The following YIPF3 variants were observed in gnomAD, a reference collection of about 807,000 sequenced individuals.
YIPF3 encodes the protein Yip1 domain family member 3.
A neutral mutation model predicts 40.3 loss-of-function variants in YIPF3; 18 were observed. The ratio of observed to expected loss-of-function variants is 0.45; its 90% CI spans 0.31 to 0.66. The LOEUF (loss-of-function observed/expected upper bound fraction) is 0.66, where lower values mean the gene tolerates loss of function less well. Ranked by LOEUF, YIPF3 falls within the 30% of genes least tolerant of loss-of-function variation. YIPF3 has a pLI of 0.07. For missense variants in YIPF3, 406 were observed against 452.2 expected (o/e 0.90, Z 0.93); for synonymous variants, 190 against 179.6 (o/e 1.06, Z -0.46).
chr6:43,513,718 T>G, intron 3 of YIPF3, 85 bp from the exon 4 acceptor site: 3 of 1,364,488 alleles, frequency 2.2e-6, no homozygotes, highest in Non-Finnish European at 3.0e-6. Context: ...TATTCATCTC[T>G]AACTCCAGGG....
At chr6:43,512,370 T>C (rs1447228977) in intron 8 of YIPF3, 55 bp from the exon 9 acceptor site, 5 of 1,613,800 alleles carry the variant, frequency 3.1e-6, no homozygotes, top group Non-Finnish European at 4.2e-6. Context: ...CCACCAGCCA[T>C]CATATCTAGC....
At chr6:43,512,634 C>G in intron 7 of YIPF3, 71 bp from the exon 8 acceptor site, 1 of 1,547,212 alleles carries the variant, frequency 6.5e-7, no homozygotes, top group South Asian at 1.2e-5. Context: ...CACCCCCACC[C>G]AGGGCAGAAC....
chr6:43,512,956 G>C, intron 6 of YIPF3, 82 bp from the exon 7 acceptor site: 1 of 1,590,764 alleles, frequency 6.3e-7, no homozygotes, highest in South Asian at 1.1e-5. Context: ...GGAAACACAT[G>C]GTCCATTGGC....
chr6:43,516,003 G>C lies in YIPF3; in HGVS notation c.174C>G (p.Arg58=), dbSNP rs1402527840. The C allele has an allele frequency of 1.1e-5, 18 of 1,614,186 alleles. No homozygotes were observed. Among genetic ancestry groups the C allele is most frequent in the Non-Finnish European group, 1.4e-5 (17 of 1,180,036 alleles). ...EDMGELHQRL[R]EEEVDADAAD... ...CTGCATCAGCGTCTACTTCTTCCTCGCGCAGGCGCTGATGCAGCTCACCCA... is the reference window on the plus strand; with the variant it reads ...CTGCATCAGCGTCTACTTCTTCCTCCCGCAGGCGCTGATGCAGCTCACCCA... The change falls in exon 2 of 9, where the codon CGC becomes CGG. Residue 58 remains arginine, a synonymous_variant. Coordinates refer to ENST00000372422, the MANE Select transcript of YIPF3 (RefSeq NM_015388.4).
rs921494460 is a variant in YIPF3 at position 43,516,881 on chromosome 6, A to G, written c.-74T>C. On this transcript the variant is annotated 5_prime_UTR_variant, in exon 1 of 9. Coordinates refer to ENST00000372422, the MANE Select transcript of YIPF3 (RefSeq NM_015388.4). ...GAGTGGGCAAGATGTGGGCCTCCGG[A>G]AGGTAGACGTCCAGGGTCGAGGAGA... is the stretch of plus-strand genomic sequence containing the variant. The G allele has an allele frequency of 4.0e-6, 6 of 1,486,372 alleles. No individual in the cohort carries two copies. In the African/African-American group the frequency reaches 5.6e-5, roughly 14 times the overall value. The allele number at this position is 1,486,372 out of a possible 1,614,324, so 92.1% of individuals were successfully genotyped here.
Position 43,513,444 on chromosome 6 carries a change from G to A in YIPF3, c.449C>T (p.Ala150Val). The part of the protein sequence containing the change: ...IKMVNFPQKI[A>V]GELYGPLMLV... ...CATGAGAGGTCCATAGAGTTCACCT[G>A]CAATTTTCTGTCAATATACCAATTC... The change falls in exon 5 of 9, where the codon GCA becomes GTA. Residue 150 changes from alanine to valine, a missense_variant. Ala to Val is a moderately conservative substitution (Grantham distance 64). Transcript: ENST00000372422. 1.9e-6 allele frequency: 3 copies of A among 1,614,186 alleles called. No homozygotes were observed.
rs1472118614 is a variant in YIPF3, at chr6:43,512,423, ACCTTC to A, written c.904+12_904+16del. 3.7e-6 allele frequency: 6 copies of A among 1,614,036 alleles called. No individual in the cohort carries two copies. The highest frequency in any genetic ancestry group is 5.1e-6 in the Non-Finnish European group (6 of 1,179,988). On this transcript the variant is annotated intron_variant, in intron 8 of 8. Coordinates refer to ENST00000372422, the MANE Select transcript of YIPF3 (RefSeq NM_015388.4). ...TGCTTTCCCATTCTCCCCCACCCAGACCTTCCTGCCACTTACCCTCTACCACTTTG... is the reference window on the plus strand; with the variant it reads ...TGCTTTCCCATTCTCCCCCACCCAGACTGCCACTTACCCTCTACCACTTTG...
rs772897495 is a variant in YIPF3 at position 43,516,714 on chromosome 6, T to C, written c.81+13A>G. 1.2e-5 allele frequency: 20 copies of C among 1,612,342 alleles called. No homozygotes were observed. Among genetic ancestry groups the C allele is most frequent in the East Asian group, 4.5e-5 (2 of 44,890 alleles). On this transcript the variant is annotated intron_variant, in intron 1 of 8. Transcript: ENST00000372422. Reference sequence around the variant, plus strand: ...CCTCCGGCTGCTGGCAGCTGGTGCCTTGGGGCCATTACCTGGATGTTTTCT... The same window carrying C: ...CCTCCGGCTGCTGGCAGCTGGTGCCCTGGGGCCATTACCTGGATGTTTTCT...
intron 1 of YIPF3, chr6:43,516,464 C>T: frequency 1.6e-6 from 1 of 618,996 alleles, no homozygotes; most frequent in South Asian, 2.1e-5. Flanking sequence ...ATGCCTTACC[C>T]CGACCAACCT....
chr6:43,514,783 A>T (rs1319182742), intron 3 of YIPF3, among the ~76,000 whole-genome samples: 1 of 152,190 alleles, frequency 6.6e-6, no homozygotes, highest in Non-Finnish European at 1.5e-5. Flanking sequence ...TGAACAAAAA[A>T]ACCAAGCCAG....
chr6:43,511,940 T>G lies in YIPF3; in HGVS notation c.*227A>C, dbSNP rs556463235. On this transcript the variant is annotated 3_prime_UTR_variant, in exon 9 of 9. Transcript: ENST00000372422. Reference sequence around the variant, plus strand: ...GGTGGGGAGGGGTTCTCAAAGGAGCTGACCCATTTTCTGCATTGGCTGCAG... The same window carrying G: ...GGTGGGGAGGGGTTCTCAAAGGAGCGGACCCATTTTCTGCATTGGCTGCAG... The G allele has an allele frequency of 1.3e-5, 8 of 599,024 alleles. No homozygotes were observed. In the Admixed American group the frequency reaches 2.5e-4, roughly 18 times the overall value. The allele number at this position is 599,024 out of a possible 1,614,324, so 37.1% of individuals were successfully genotyped here.
chr6:43,513,720 A>G (rs1176976832), intron 3 of YIPF3, 87 bp from the exon 4 acceptor site: 1 of 1,349,466 alleles, frequency 7.4e-7, no homozygotes, highest in Non-Finnish European at 1.0e-6. Flanking sequence ...TTCATCTCTA[A>G]CTCCAGGGAA....
chr6:43,516,909 T>C lies in YIPF3; in HGVS notation c.-102A>G, dbSNP rs1792856995. On this transcript the variant is annotated 5_prime_UTR_variant, in exon 1 of 9. Coordinates refer to ENST00000372422, the MANE Select transcript of YIPF3 (RefSeq NM_015388.4). ...GTAGACGTCCAGGGTCGAGGAGAGG[T>C]GGGATCGGCCGGAACACAAAAAGGA... The C allele has an allele frequency of 1.5e-6, 2 of 1,359,750 alleles. No individual in the cohort carries two copies. The highest frequency in any genetic ancestry group is 1.5e-5 in the African/African-American group (1 of 68,574). The allele number at this position is 1,359,750 out of a possible 1,614,324, so 84.2% of individuals were successfully genotyped here. A position where few individuals can be genotyped will look rare whatever the true frequency, so the allele number is the denominator to read the frequency against.
rs1424230323 is a variant in YIPF3 at position 43,516,768 on chromosome 6, C to T, written c.40G>A (p.Gly14Arg). 6.3e-7 allele frequency: 1 copy of T among 1,584,722 alleles called. No individual in the cohort carries two copies. The highest frequency in any genetic ancestry group is 8.6e-7 in the Non-Finnish European group (1 of 1,167,036). ...TAAPAGGARNGAGPEWGGFEE... is the reference protein window; with the variant it reads ...TAAPAGGARNRAGPEWGGFEE... ...AACCCTCCCCATTCCGGGCCAGCTCCATTTCGGGCGCCGCCCGCCGGCGCC... is the reference window on the plus strand; with the variant it reads ...AACCCTCCCCATTCCGGGCCAGCTCTATTTCGGGCGCCGCCCGCCGGCGCC... The change falls in exon 1 of 9, where the codon GGA (glycine) becomes AGA (arginine). Residue 14 changes from glycine (G) to arginine (R), a missense_variant. Physicochemically the swap from Gly to Arg is moderately radical, Grantham distance 125 (BLOSUM62 -2). Coordinates refer to ENST00000372422, the MANE Select transcript of YIPF3 (RefSeq NM_015388.4).
intron 6 of YIPF3, 37 bp downstream of exon 6, chr6:43,513,028 CTTTT>C: frequency 1.2e-6 from 2 of 1,611,786 alleles, no homozygotes; most frequent in Non-Finnish European, 1.7e-6. Context: ...CCTGGCTACT[CTTTT>C]TAACATCACT....
In YIPF3 at chr6:43,511,937, A is replaced by G. The variant is rs980881725; in HGVS notation, c.*230T>C. 3.4e-6 allele frequency: 2 copies of G among 587,134 alleles called. No homozygotes were observed. The highest frequency in any genetic ancestry group is 5.8e-6 in the Non-Finnish European group (2 of 346,318). The allele number at this position is 587,134 out of a possible 1,614,324, so 36.4% of individuals were successfully genotyped here. ...GTAGGTGGGGAGGGGTTCTCAAAGGAGCTGACCCATTTTCTGCATTGGCTG... is the reference window on the plus strand; with the variant it reads ...GTAGGTGGGGAGGGGTTCTCAAAGGGGCTGACCCATTTTCTGCATTGGCTG... On this transcript the variant is annotated 3_prime_UTR_variant, in exon 9 of 9. Coordinates refer to ENST00000372422, the MANE Select transcript of YIPF3 (RefSeq NM_015388.4).
At position 43,516,923 on chromosome 6, in the gene YIPF3, A is replaced by G; in HGVS notation, c.-116T>C. The G allele has an allele frequency of 3.1e-6, 4 of 1,303,988 alleles. No homozygotes were observed. Among genetic ancestry groups the G allele is most frequent in the Non-Finnish European group, 4.3e-6 (4 of 924,252 alleles). 80.8% of individuals were successfully genotyped at this position (1,303,988 alleles called of 1,614,324 possible). A position where few individuals can be genotyped will look rare whatever the true frequency, so the allele number is the denominator to read the frequency against. ...TCGAGGAGAGGTGGGATCGGCCGGA[A>G]CACAAAAAGGAGAAGCCCGGATGTT... On this transcript the variant is annotated 5_prime_UTR_variant, in exon 1 of 9. Transcript: ENST00000372422.
intron 1 of YIPF3, 93 bp downstream of exon 1, chr6:43,516,634 G>A: frequency 7.0e-7 from 1 of 1,433,860 alleles, no homozygotes; most frequent in Non-Finnish European, 9.6e-7. Flanking sequence ...TGTAAATGGA[G>A]CGGACTTCCA....
rs78180393 is a variant in YIPF3 at position 43,512,058 on chromosome 6, G to A, written c.*109C>T. 2,114 of 1,509,928 alleles carry A rather than the reference G, an allele frequency of 1.4e-3. 22 individuals are homozygous for A. In the African/African-American group the frequency reaches 0.026, roughly 18 times the overall value. The allele number at this position is 1,509,928 out of a possible 1,614,324, so 93.5% of individuals were successfully genotyped here. A position where few individuals can be genotyped will look rare whatever the true frequency, so the allele number is the denominator to read the frequency against. On this transcript the variant is annotated 3_prime_UTR_variant, in exon 9 of 9. Coordinates refer to ENST00000372422, the MANE Select transcript of YIPF3 (RefSeq NM_015388.4). ...GGTACTTACGCAGCTACAGCTCAGTGGCAGCTGCAAACCCCATCTACGAAA... is the reference window on the plus strand; with the variant it reads ...GGTACTTACGCAGCTACAGCTCAGTAGCAGCTGCAAACCCCATCTACGAAA...
Sources: allele counts gnomAD v4.1 joint callset (sites outside exome capture counted in the v4.1 genomes callset), GRCh38; gene constraint gnomAD v4.1.1; transcripts MANE v1.5; gene names NCBI Gene and HGNC (gene_info 2026-07-23, HGNC 2026-07-21).